SASH1: variants seen among roughly 807,000 people sequenced by gnomAD.
SASH1 encodes the protein SAM and SH3 domain-containing protein 1.
A neutral mutation model predicts 125.2 loss-of-function variants in SASH1; 44 were observed. The observed-to-expected ratio is 0.35, with a 90% CI of 0.28 to 0.45. The LOEUF (loss-of-function observed/expected upper bound fraction) is 0.45, where lower values mean the gene tolerates loss of function less well. SASH1 is among the 20% of genes least tolerant of loss of function. SASH1 has a pLI of 1.00. For synonymous variants in SASH1, 639 were observed against 649.1 expected (o/e 0.98, Z 0.24); for missense variants, 1,426 against 1,614.5 (o/e 0.88, Z 2.00).
At chr6:148,455,029 A>G (rs1214119405) in intron 4 of SASH1, among the ~76,000 whole-genome samples, 8 of 152,122 alleles carry the variant, frequency 5.3e-5, no homozygotes, top group African/African-American at 1.9e-4. Context: ...TGAACACCTC[A>G]CTTGCAGTAT....
At chr6:148,381,385 C>T (rs1297737388) in intron 1 of SASH1, among the ~76,000 whole-genome samples, 1 of 152,044 alleles carries the variant, frequency 6.6e-6, no homozygotes, top group Non-Finnish European at 1.5e-5. Flanking sequence ...GTGTTTCTGC[C>T]GCGACTTTAA....
chr6:148,429,996 C>G (rs1020198419), intron 2 of SASH1, among the ~76,000 whole-genome samples: 1 of 152,092 alleles, frequency 6.6e-6, no homozygotes, highest in East Asian at 1.9e-4. Flanking sequence ...GAGTCGCTAC[C>G]CATAGGTACA....
chr6:148,252,827 C>A, the SASH1 span, among the ~76,000 whole-genome samples: 34 of 152,194 alleles, frequency 2.2e-4, no homozygotes, highest in African/African-American at 7.5e-4. Flanking sequence ...AGCCATCAGA[C>A]CTAACACATC....
intron 2 of SASH1, among the ~76,000 whole-genome samples, chr6:148,420,614 A>G (rs993936436): frequency 6.6e-6 from 1 of 152,230 alleles, no homozygotes; most frequent in African/African-American, 2.4e-5. Flanking sequence ...TGCTGAAGTC[A>G]TATGGTGGGC....
At chr6:148,344,530 C>A (rs1021163594) in intron 1 of SASH1, among the ~76,000 whole-genome samples, 3 of 152,088 alleles carry the variant, frequency 2.0e-5, no homozygotes, top group Non-Finnish European at 2.9e-5. Flanking sequence ...TTTCTATCTG[C>A]TCTTGTCACT....
intron 1 of SASH1, among the ~76,000 whole-genome samples, chr6:148,290,239 C>T (rs942454953): frequency 2.0e-5 from 3 of 151,756 alleles, no homozygotes; most frequent in African/African-American, 7.3e-5. Flanking sequence ...CACCCTTTAG[C>T]CTTTACGTCT....
intron 1 of SASH1, among the ~76,000 whole-genome samples, chr6:148,320,350 A>AC (rs888496488): frequency 1.3e-5 from 2 of 152,224 alleles, no homozygotes; most frequent in East Asian, 1.9e-4. Context: ...TGTATGGGCC[A>AC]CCCCCCTTGA....
chr6:148,342,942 T>A lies in SASH1; in HGVS notation c.-126T>A. The stretch of plus-strand genomic sequence containing the variant: ...CGGGGTGGCCGGGGCCGCCGGGGCA[T>A]GCAGCGCGGGGGCGCGGCTCGGTGA... On this transcript the variant is annotated 5_prime_UTR_variant, in exon 1 of 20. The change abolishes an upstream ATG in the 5' untranslated region. Coordinates refer to ENST00000367467, the MANE Select transcript of SASH1 (RefSeq NM_015278.5). 1 of 878,580 alleles carries A rather than the reference T, an allele frequency of 1.1e-6. No individual in the cohort carries two copies. The highest frequency in any genetic ancestry group is 1.4e-6 in the Non-Finnish European group (1 of 732,388). 54.4% of individuals were successfully genotyped at this position (878,580 alleles called of 1,614,324 possible). A position where few individuals can be genotyped will look rare whatever the true frequency, so the allele number is the denominator to read the frequency against.
At chr6:148,262,684 G>A in the SASH1 span, among the ~76,000 whole-genome samples, 1 of 152,152 alleles carries the variant, frequency 6.6e-6, no homozygotes, top group South Asian at 2.1e-4. Context: ...AGGAGTTTGA[G>A]ACCAGCCTGG....
chr6:148,411,316 G>T, intron 2 of SASH1, among the ~76,000 whole-genome samples: 1 of 151,776 alleles, frequency 6.6e-6, no homozygotes, highest in East Asian at 1.9e-4. Flanking sequence ...AGGTACCCTA[G>T]GGACCAAGAG....
intron 8 of SASH1, among the ~76,000 whole-genome samples, chr6:148,501,304 T>C (rs1417563360): frequency 2.0e-5 from 3 of 152,192 alleles, no homozygotes; most frequent in Admixed American, 6.5e-5. Context: ...GTAATGTGAC[T>C]TTGCAAACAC....
intron 1 of SASH1, among the ~76,000 whole-genome samples, chr6:148,359,901 G>A (rs1277497329): frequency 6.6e-5 from 10 of 152,146 alleles, no homozygotes; most frequent in Non-Finnish European, 1.3e-4. Context: ...TGGGACTACA[G>A]GTGCCCGCCA....
intron 1 of SASH1, among the ~76,000 whole-genome samples, chr6:148,322,989 CTT>C (rs1169246819): frequency 3.7e-5 from 5 of 134,164 alleles, no homozygotes; most frequent in African/African-American, 5.5e-5. Context: ...CTCCCTTTCT[CTT>C]TCTCTCTCTC....
chr6:148,362,301 C>T (rs1295772166), intron 1 of SASH1, among the ~76,000 whole-genome samples: 1 of 151,390 alleles, frequency 6.6e-6, no homozygotes, highest in East Asian at 1.9e-4. Flanking sequence ...TGGCTCACTA[C>T]AACCTCTGCC....
At chr6:148,376,997 C>T (rs528156951) in intron 1 of SASH1, among the ~76,000 whole-genome samples, 5 of 150,782 alleles carry the variant, frequency 3.3e-5, no homozygotes, top group Non-Finnish European at 5.9e-5. Flanking sequence ...GGTGAAACCC[C>T]GTCTCTACTA....
intron 1 of SASH1, among the ~76,000 whole-genome samples, chr6:148,284,847 T>A (rs1779441192): frequency 6.6e-6 from 1 of 152,210 alleles, no homozygotes; most frequent in African/African-American, 2.4e-5. Context: ...CAGATAATTT[T>A]CTCCCGATAG....
the SASH1 span, among the ~76,000 whole-genome samples, chr6:148,234,639 A>C: frequency 2.6e-5 from 4 of 152,138 alleles, no homozygotes; most frequent in Admixed American, 2.6e-4. Context: ...CAGTCTGGCC[A>C]ACATGAGGAA....
intron 7 of SASH1, among the ~76,000 whole-genome samples, chr6:148,481,298 C>G (rs1343686682): frequency 6.6e-6 from 1 of 152,122 alleles, no homozygotes; most frequent in African/African-American, 2.4e-5. Flanking sequence ...TTCTGATCTT[C>G]TACGCAGACC....
intron 6 of SASH1, 92 bp from the exon 7 acceptor site, chr6:148,474,018 T>C (rs1778230034): frequency 1.1e-5 from 9 of 822,896 alleles, no homozygotes; most frequent in Admixed American, 1.1e-4. Flanking sequence ...AGCAACATTC[T>C]TCTCTAGCCC....
Sources: gnomAD v4.1 joint callset for allele counts (sites outside exome capture counted in the v4.1 genomes callset) on GRCh38, gnomAD v4.1.1 for gene constraint, MANE v1.5 for transcripts, NCBI Gene and HGNC (gene_info 2026-07-23, HGNC 2026-07-21) for gene names.